Variants in PPM1E observed in about 807,000 individuals in gnomAD.
PPM1E encodes protein phosphatase 1E.
In PPM1E, 20 loss-of-function variants were observed where a neutral mutation model predicts 65.9. The ratio of observed to expected loss-of-function variants is 0.30; its 90% CI spans 0.21 to 0.44. PPM1E has a LOEUF of 0.44. PPM1E is among the 20% of genes least tolerant of loss of function. The pLI is 1.00. For missense variants in PPM1E, 713 were observed against 953.1 expected (o/e 0.75, Z 3.32); for synonymous variants, 352 against 374.9 (o/e 0.94, Z 0.70).
At chr17:58,900,892 G>A (rs895742525) in intron 1 of PPM1E, among the ~76,000 whole-genome samples, 1 of 152,098 alleles carries the variant, frequency 6.6e-6, no homozygotes, top group Non-Finnish European at 1.5e-5. Flanking sequence ...TATACAATGT[G>A]CCAGACATTA....
At chr17:58,823,923 G>C (rs1271714740) in intron 1 of PPM1E, among the ~76,000 whole-genome samples, 2 of 151,814 alleles carry the variant, frequency 1.3e-5, no homozygotes, top group African/African-American at 4.8e-5. Context: ...GTAGAGACAG[G>C]GTTTCACCAC....
chr17:58,965,934 A>AAAAC (rs775285257), intron 3 of PPM1E, 41 bp downstream of exon 3: 1 of 1,567,190 alleles, frequency 6.4e-7, no homozygotes, highest in Admixed American at 1.7e-5. Context: ...TTTTAAAGAC[A>AAAAC]AAACAAACAC....
intron 1 of PPM1E, among the ~76,000 whole-genome samples, chr17:58,953,518 G>C (rs1377186053): frequency 6.6e-6 from 1 of 152,144 alleles, no homozygotes; most frequent in Non-Finnish European, 1.5e-5. Context: ...CCATTCATGA[G>C]GGACCTGCTT....
chr17:58,813,113 G>A (rs1379255501), intron 1 of PPM1E, among the ~76,000 whole-genome samples: 1 of 152,078 alleles, frequency 6.6e-6, no homozygotes, highest in Non-Finnish European at 1.5e-5. Context: ...TTGTTCTCAA[G>A]TTATTTCATA....
At chr17:58,969,142 G>GA (rs1235922129) in intron 3 of PPM1E, among the ~76,000 whole-genome samples, 2 of 151,888 alleles carry the variant, frequency 1.3e-5, no homozygotes, top group South Asian at 2.1e-4. Context: ...CTTTCATTTT[G>GA]AAAAAAATCA....
At chr17:58,796,293 C>T (rs940722214) in intron 1 of PPM1E, among the ~76,000 whole-genome samples, 1 of 152,168 alleles carries the variant, frequency 6.6e-6, no homozygotes, top group African/African-American at 2.4e-5. Flanking sequence ...GATCCTCCCT[C>T]CTTAGCCTCC....
chr17:58,906,782 A>T (rs1228715867), intron 1 of PPM1E, among the ~76,000 whole-genome samples: 2 of 151,742 alleles, frequency 1.3e-5, no homozygotes, highest in Non-Finnish European at 2.9e-5. Context: ...ATTTATTTTA[A>T]ATTTTTTTTC....
chr17:58,762,635 C>A (rs138931288), intron 1 of PPM1E, among the ~76,000 whole-genome samples: 1 of 151,996 alleles, frequency 6.6e-6, no homozygotes, highest in Admixed American at 6.6e-5. Flanking sequence ...CGGTGGCTCA[C>A]GCCTGTAATC....
At chr17:58,972,087 T>C (rs2030670595) in intron 4 of PPM1E, 45 bp from the exon 5 acceptor site, 1 of 1,569,144 alleles carries the variant, frequency 6.4e-7, no homozygotes, top group Admixed American at 1.8e-5. Flanking sequence ...GAATGTAGTA[T>C]CTATTTCTTT....
chr17:58,845,620 A>C (rs1422963829), intron 1 of PPM1E, among the ~76,000 whole-genome samples: 2 of 152,186 alleles, frequency 1.3e-5, no homozygotes, highest in East Asian at 3.8e-4. Context: ...AATTTATTTC[A>C]GTTAACATGA....
intron 1 of PPM1E, among the ~76,000 whole-genome samples, chr17:58,952,939 G>T (rs1194455106): frequency 1.3e-5 from 2 of 152,146 alleles, no homozygotes; most frequent in Non-Finnish European, 2.9e-5. Context: ...CTCCCAAAGT[G>T]CTGGGATTAC....
At chr17:58,889,941 A>G (rs2051325310) in intron 1 of PPM1E, among the ~76,000 whole-genome samples, 1 of 152,236 alleles carries the variant, frequency 6.6e-6, no homozygotes, top group African/African-American at 2.4e-5. Flanking sequence ...GTATCTAATC[A>G]AAGTAATCAG....
chr17:58,823,374 A>G (rs918651439), intron 1 of PPM1E, among the ~76,000 whole-genome samples: 12 of 152,216 alleles, frequency 7.9e-5, no homozygotes, highest in Non-Finnish European at 8.8e-5. Context: ...AGGCACAGGA[A>G]TGGTTTCTCA....
rs375181826 is a variant in PPM1E, at chr17:58,829,564, G to C, written c.464+73103G>C. 7.2e-5 allele frequency among the ~76,000 whole-genome samples: 11 copies of C among 152,182 alleles called. No individual in the cohort carries two copies. The East Asian group carries it at 1.9e-3, about 27-fold the overall frequency. ...GCATCTGCCTGTTCCAGTCCAGACT[G>C]TACGTGCTGTATACCTTCTGTACAG... On this transcript the variant is annotated intron_variant, in intron 1 of 6. Coordinates refer to ENST00000308249, the MANE Select transcript of PPM1E (RefSeq NM_014906.5).
chr17:58,930,802 A>G (rs758403726), intron 1 of PPM1E, among the ~76,000 whole-genome samples: 44 of 152,174 alleles, frequency 2.9e-4, no homozygotes, highest in Non-Finnish European at 6.0e-4. Flanking sequence ...GTTTAAAAGG[A>G]ATAGAGAGCC....
At chr17:58,897,353 G>A (rs1483258254) in intron 1 of PPM1E, among the ~76,000 whole-genome samples, 1 of 151,702 alleles carries the variant, frequency 6.6e-6, no homozygotes, top group East Asian at 1.9e-4. Context: ...GGCAGAGCTT[G>A]CAATGAGCCG....
chr17:58,979,740 G>C (rs2031251349), intron 6 of PPM1E, among the ~76,000 whole-genome samples: 2 of 152,178 alleles, frequency 1.3e-5, no homozygotes, highest in African/African-American at 4.8e-5. Flanking sequence ...GTCTAAGCTA[G>C]GTAAGGACTT....
chr17:58,950,479 C>T (rs183060361), intron 1 of PPM1E, among the ~76,000 whole-genome samples: 51 of 152,334 alleles, frequency 3.3e-4, no homozygotes, highest in African/African-American at 1.1e-3. Context: ...CCAAGACCTA[C>T]GAAGTTTTCA....
At chr17:58,940,586 T>C (rs1453294134) in intron 1 of PPM1E, among the ~76,000 whole-genome samples, 1 of 152,178 alleles carries the variant, frequency 6.6e-6, no homozygotes, top group Admixed American at 6.5e-5. Context: ...TTCTCTAAAG[T>C]TTTCATTTCT....
Sources: gnomAD v4.1 joint callset for allele counts (sites outside exome capture counted in the v4.1 genomes callset) on GRCh38, gnomAD v4.1.1 for gene constraint, MANE v1.5 for transcripts, NCBI Gene and HGNC (gene_info 2026-07-23, HGNC 2026-07-21) for gene names.